CALD1: variants seen among roughly 807,000 people sequenced by gnomAD.
CALD1 encodes the protein caldesmon.
In CALD1, 33 loss-of-function variants were observed where a neutral mutation model predicts 99.9. The ratio of observed to expected loss-of-function variants is 0.33; its 90% CI spans 0.25 to 0.44. CALD1 has a LOEUF of 0.44. Ranked by LOEUF, CALD1 falls within the 20% of genes least tolerant of loss-of-function variation. The pLI is 1.00. For synonymous variants in CALD1, 310 were observed against 325.0 expected (o/e 0.95, Z 0.50); for missense variants, 861 against 962.1 (o/e 0.89, Z 1.39).
the CALD1 span, among the ~76,000 whole-genome samples, chr7:134,722,799 T>C: frequency 2.0e-5 from 3 of 152,174 alleles, no homozygotes; most frequent in African/African-American, 7.2e-5. Context: ...ATCCTTTTAC[T>C]TCCATTTACC....
At chr7:134,799,446 T>C (rs1335235292) in intron 1 of CALD1, among the ~76,000 whole-genome samples, 1 of 152,182 alleles carries the variant, frequency 6.6e-6, no homozygotes, top group South Asian at 2.1e-4. Flanking sequence ...AAATGGTTAC[T>C]AAGTTTAGCC....
At position 134,784,476 on chromosome 7, in the gene CALD1, T is replaced by C. The variant is rs373183040; in HGVS notation, c.-130+4727T>C. Among the ~76,000 whole-genome samples, 5 of 152,300 alleles carry C rather than the reference T, an allele frequency of 3.3e-5. No homozygotes were observed. The East Asian group carries it at 9.6e-4, about 29-fold the overall frequency. On this transcript the variant is annotated intron_variant, in intron 1 of 14. Coordinates refer to ENST00000361675, the MANE Select transcript of CALD1 (RefSeq NM_033138.4). The stretch of plus-strand genomic sequence containing the variant: ...GAGGACCAGTCTAAGCCAGAATGGA[T>C]ATCAGTTACAAAAATGGGCTAAGTT...
chr7:134,821,646 A>AG (rs1563024304), intron 1 of CALD1, among the ~76,000 whole-genome samples: 1 of 114,558 alleles, frequency 8.7e-6, no homozygotes, highest in Non-Finnish European at 1.9e-5. Flanking sequence ...GCAATGGCAC[A>AG]ATCTTGGCTC....
chr7:134,711,694 GT>G, the CALD1 span, among the ~76,000 whole-genome samples: 3 of 119,026 alleles, frequency 2.5e-5, no homozygotes, highest in South Asian at 8.9e-4. Flanking sequence ...GTGTGTGTGT[GT>G]GTGTGTGTGT....
chr7:134,767,479 A>T (rs1309933408), intron 1 of CALD1, among the ~76,000 whole-genome samples: 1 of 152,242 alleles, frequency 6.6e-6, no homozygotes, highest in East Asian at 1.9e-4. Flanking sequence ...CAAATATTTT[A>T]AATGTTTTCT....
upstream of CALD1, among the ~76,000 whole-genome samples, chr7:134,743,614 T>G (rs1401755566): frequency 1.3e-5 from 2 of 152,250 alleles, no homozygotes; most frequent in African/African-American, 4.8e-5. Context: ...ATTTAGCATT[T>G]TGTTAATGAA....
intron 3 of CALD1, among the ~76,000 whole-genome samples, chr7:134,884,799 G>A (rs1025772187): frequency 6.6e-6 from 1 of 152,102 alleles, no homozygotes; most frequent in Non-Finnish European, 1.5e-5. Flanking sequence ...GCTGTATCAG[G>A]TGCAAAAGTG....
chr7:134,734,925 CT>C, the CALD1 span: 1 of 169,320 alleles, frequency 5.9e-6, no homozygotes, highest in Non-Finnish European at 1.3e-5. Flanking sequence ...CATCCCACTC[CT>C]TAAACGCTCC....
At chr7:134,753,024 A>C (rs202144916) in intron 1 of CALD1, among the ~76,000 whole-genome samples, 2 of 79,192 alleles carry the variant, frequency 2.5e-5, no homozygotes, top group African/African-American at 5.9e-5. Context: ...AAAAAAAAAC[A>C]AAAAAAAACA....
At chr7:134,910,452 A>G (rs965742086) in intron 3 of CALD1, among the ~76,000 whole-genome samples, 3 of 152,200 alleles carry the variant, frequency 2.0e-5, no homozygotes, top group African/African-American at 7.2e-5. Context: ...GACATTGCAA[A>G]AGGCCAAAAC....
chr7:134,717,769 C>T, the CALD1 span, among the ~76,000 whole-genome samples: 1 of 152,190 alleles, frequency 6.6e-6, no homozygotes, highest in Non-Finnish European at 1.5e-5. Flanking sequence ...TAAACATTTT[C>T]CTTAAGCCCC....
At chr7:134,932,844 G>A (rs1370138400) in intron 4 of CALD1, 144 bp from the exon 5 acceptor site, 3 of 562,750 alleles carry the variant, frequency 5.3e-6, no homozygotes, top group Non-Finnish European at 9.4e-6. Context: ...AGGCAGGCGT[G>A]TACTAAAATG....
intron 4 of CALD1, among the ~76,000 whole-genome samples, chr7:134,932,048 A>T (rs1053068781): frequency 6.6e-6 from 1 of 152,160 alleles, no homozygotes; most frequent in Non-Finnish European, 1.5e-5. Flanking sequence ...GTGCTCCCTG[A>T]TCTACCAACA....
At chr7:134,856,376 A>G (rs1035277628) in intron 2 of CALD1, among the ~76,000 whole-genome samples, 6 of 152,212 alleles carry the variant, frequency 3.9e-5, no homozygotes, top group African/African-American at 9.7e-5. Flanking sequence ...GCCAATGGGT[A>G]GCCACGCGAG....
intron 1 of CALD1, among the ~76,000 whole-genome samples, chr7:134,827,152 G>C (rs1799030625): frequency 6.6e-6 from 1 of 152,158 alleles, no homozygotes; most frequent in Non-Finnish European, 1.5e-5. Flanking sequence ...AAATACAATA[G>C]TTATCTACCC....
chr7:134,729,574 T>A, the CALD1 span, among the ~76,000 whole-genome samples: 1 of 152,182 alleles, frequency 6.6e-6, no homozygotes. Flanking sequence ...CAAGGAAGAT[T>A]TGAAGGGCCG....
chr7:134,864,712 C>T (rs749056124), intron 2 of CALD1, among the ~76,000 whole-genome samples: 4 of 152,184 alleles, frequency 2.6e-5, no homozygotes, highest in Non-Finnish European at 5.9e-5. Context: ...AAACCTTTAA[C>T]ACTGACTTAT....
At chr7:134,943,453 G>C (rs1391590799) in intron 7 of CALD1, among the ~76,000 whole-genome samples, 1 of 152,134 alleles carries the variant, frequency 6.6e-6, no homozygotes, top group Non-Finnish European at 1.5e-5. Flanking sequence ...TTTAATTACT[G>C]TTCCCTTTGA....
the CALD1 span, among the ~76,000 whole-genome samples, chr7:134,722,420 T>G: frequency 6.9e-6 from 1 of 145,092 alleles, no homozygotes; most frequent in Non-Finnish European, 1.5e-5. Context: ...TTTATTTATT[T>G]GTTTGTTTGT....
Sources: gnomAD v4.1 joint callset for allele counts (sites outside exome capture counted in the v4.1 genomes callset) on GRCh38, gnomAD v4.1.1 for gene constraint, MANE v1.5 for transcripts, NCBI Gene and HGNC (gene_info 2026-07-23, HGNC 2026-07-21) for gene names.